Variants in MYO16 observed in about 807,000 individuals in gnomAD.
MYO16 encodes the protein unconventional myosin-XVI.
MYO16 carries 94 observed loss-of-function variants against 205.3 expected under a neutral mutation model. That is an observed-to-expected ratio of 0.46 (90% CI 0.39 to 0.54). The LOEUF (loss-of-function observed/expected upper bound fraction) is 0.54. MYO16 is among the 20% of genes least tolerant of loss of function. MYO16 has a pLI of 0.00. For synonymous variants in MYO16, 988 were observed against 954.0 expected, an observed-to-expected ratio of 1.04 and a Z score of -0.66; for missense variants, 2,315 against 2,387.5, an observed-to-expected ratio of 0.97 and a Z score of 0.63.
chr13:109,048,151 ATATGTGTGTG>A (rs1198096689), intron 24 of MYO16, among the ~76,000 whole-genome samples: 17 of 105,188 alleles, frequency 1.6e-4, no homozygotes, highest in South Asian at 1.1e-3. Flanking sequence ...TGTTAATAGG[ATATGTGTGTG>A]TGTGTGTGTG....
the MYO16 span, among the ~76,000 whole-genome samples, chr13:108,572,734 C>T: frequency 6.6e-6 from 1 of 152,080 alleles, no homozygotes; most frequent in Non-Finnish European, 1.5e-5. Context: ...ACTTGGTGAC[C>T]TCCACTTAAT....
intron 20 of MYO16, among the ~76,000 whole-genome samples, chr13:108,982,686 A>G (rs1276825699): frequency 3.9e-5 from 6 of 152,162 alleles, no homozygotes; most frequent in Non-Finnish European, 8.8e-5. Flanking sequence ...CTTTAGTTAA[A>G]CATTTATGTC....
At chr13:108,623,561 G>A (rs1165765285) in intron 1 of MYO16, among the ~76,000 whole-genome samples, 1 of 151,904 alleles carries the variant, frequency 6.6e-6, no homozygotes, top group Non-Finnish European at 1.5e-5. Context: ...ATGAAGAAGG[G>A]GCTATACTCC....
Position 109,100,769 on chromosome 13 carries a change from C to T in MYO16, c.3336-16C>T, listed in dbSNP as rs780456972. 4 of 1,590,368 alleles carry T rather than the reference C, an allele frequency of 2.5e-6. No homozygotes were observed. In the East Asian group the frequency reaches 9.0e-5, roughly 36 times the overall value. On this transcript the variant is annotated splice_polypyrimidine_tract_variant and intron_variant, in intron 27 of 34. Coordinates refer to ENST00000457511, the MANE Select transcript of MYO16 (RefSeq NM_001198950.3). The stretch of plus-strand genomic sequence containing the variant: ...CAAATGCAGTCATTGCTTTCTGTCT[C>T]TGCTGCTTTTCACAGGTATAAGCCA...
At chr13:108,641,460 A>G (rs534260775) in intron 1 of MYO16, among the ~76,000 whole-genome samples, 1 of 152,306 alleles carries the variant, frequency 6.6e-6, no homozygotes, top group East Asian at 1.9e-4. Context: ...TTGTTAGTAG[A>G]AAAAGAGGAA....
intron 23 of MYO16, among the ~76,000 whole-genome samples, chr13:109,044,784 G>A (rs1886986875): frequency 3.9e-5 from 6 of 152,098 alleles, no homozygotes; most frequent in Admixed American, 3.9e-4. Context: ...CCGCCTCCCA[G>A]GTTCAAGCAA....
intron 2 of MYO16, among the ~76,000 whole-genome samples, chr13:108,712,342 T>C (rs1883754615): frequency 6.6e-6 from 1 of 152,246 alleles, no homozygotes; most frequent in African/African-American, 2.4e-5. Flanking sequence ...AAGTAATTTC[T>C]ATCATTTTGC....
intron 7 of MYO16, among the ~76,000 whole-genome samples, chr13:108,819,664 T>C (rs890331256): frequency 6.6e-6 from 1 of 152,146 alleles, no homozygotes; most frequent in African/African-American, 2.4e-5. Context: ...ATATGTGTGA[T>C]ATATTATAAT....
intron 28 of MYO16, among the ~76,000 whole-genome samples, chr13:109,104,730 G>A (rs181624617): frequency 3.3e-5 from 5 of 152,270 alleles, no homozygotes; most frequent in Non-Finnish European, 2.9e-5. Flanking sequence ...CTGCACCTTC[G>A]CAGCTAGAGC....
At chr13:108,683,113 C>A (rs556024981) in intron 2 of MYO16, among the ~76,000 whole-genome samples, 1 of 152,130 alleles carries the variant, frequency 6.6e-6, no homozygotes, top group Non-Finnish European at 1.5e-5. Flanking sequence ...CAGAAATCTC[C>A]CCTGGTTTCC....
At chr13:109,078,020 C>T (rs1888164536) in intron 27 of MYO16, among the ~76,000 whole-genome samples, 1 of 152,066 alleles carries the variant, frequency 6.6e-6, no homozygotes, top group South Asian at 2.1e-4. Context: ...TCTTCAGGTC[C>T]ACTAATCTTT....
chr13:108,728,424 T>G (rs992224272), intron 4 of MYO16, among the ~76,000 whole-genome samples: 42 of 122,220 alleles, frequency 3.4e-4, no homozygotes, highest in African/African-American at 9.8e-4. Flanking sequence ...TGGTTTCCCA[T>G]GCCTGCCATA....
At chr13:109,096,417 C>G (rs1888778872) in intron 27 of MYO16, among the ~76,000 whole-genome samples, 1 of 152,166 alleles carries the variant, frequency 6.6e-6, no homozygotes, top group Non-Finnish European at 1.5e-5. Context: ...TGAGTACTCT[C>G]CAAAGACCCT....
chr13:108,929,628 A>G (rs1882160461), intron 16 of MYO16, among the ~76,000 whole-genome samples: 1 of 152,148 alleles, frequency 6.6e-6, no homozygotes, highest in African/African-American at 2.4e-5. Flanking sequence ...ACAACTCAGG[A>G]GAGGGGATTC....
intron 2 of MYO16, among the ~76,000 whole-genome samples, chr13:108,702,909 G>C (rs1214323623): frequency 1.3e-5 from 2 of 151,764 alleles, no homozygotes; most frequent in Non-Finnish European, 2.9e-5. Flanking sequence ...GTAATCCCTA[G>C]GGAAATTATG....
At chr13:108,961,718 G>A (rs1459848389) in intron 18 of MYO16, 62 bp downstream of exon 18, 6 of 1,319,250 alleles carry the variant, frequency 4.5e-6, no homozygotes, top group African/African-American at 1.5e-5. Flanking sequence ...AGATCTACCA[G>A]TAGATGGCGA....
rs964356769 is a variant in MYO16, at chr13:109,140,562, G to A, written c.4350G>A (p.Gly1450=). 15 of 1,539,722 alleles carry A rather than the reference G, an allele frequency of 9.7e-6. No individual in the cohort carries two copies. In the African/African-American group the frequency reaches 1.7e-4, roughly 17 times the overall value. The change falls in exon 32 of 35, where the codon GGG becomes GGA. Residue 1450 remains glycine, a synonymous_variant. Transcript: ENST00000457511. This position sits in a 1 kb window ranked among gnomAD's most constrained non-coding sequence, Gnocchi z 8.0. ...HAARPDSPDP[G]ESVYEEMKCC... ...CCAGGCCCGATAGCCCGGACCCCGG[G>A]GAGTCCGTGTACGAGGAGATGAAGT...
chr13:109,085,457 A>G (rs991002811), intron 27 of MYO16, among the ~76,000 whole-genome samples: 46 of 152,200 alleles, frequency 3.0e-4, no homozygotes, highest in African/African-American at 1.1e-3. Context: ...GAGAGGGCGG[A>G]CCCAGTGGAA....
At chr13:108,901,198 G>A (rs9645871) in intron 15 of MYO16, among the ~76,000 whole-genome samples, 21,134 of 152,038 alleles carry the variant, frequency 0.14, 1,824 homozygotes, top group South Asian at 0.18. Flanking sequence ...CTGTGATCTC[G>A]CCCTGCCTCC....
Sources: gnomAD v4.1 joint callset for allele counts (sites outside exome capture counted in the v4.1 genomes callset) on GRCh38, gnomAD v4.1.1 for gene constraint, Gnocchi (gnomAD v3.1) non-coding constraint, MANE v1.5 for transcripts, NCBI Gene and HGNC (gene_info 2026-07-23, HGNC 2026-07-21) for gene names.